TMEM117: variants seen among roughly 807,000 people sequenced by gnomAD.
TMEM117 encodes transmembrane protein 117.
In TMEM117, 27 loss-of-function variants were observed where a neutral mutation model predicts 52.4. The observed-to-expected ratio is 0.51, with a 90% confidence interval of 0.38 to 0.71. TMEM117 has a LOEUF of 0.71. TMEM117 is among the 30% of genes least tolerant of loss of function. TMEM117 has a pLI of 0.00. For synonymous variants in TMEM117, 215 were observed against 206.3 expected (o/e 1.04, Z -0.36); for missense variants, 556 against 630.5 (o/e 0.88, Z 1.26).
chr12:43,947,553 G>T (rs1052719773), intron 3 of TMEM117, among the ~76,000 whole-genome samples: 12 of 152,138 alleles, frequency 7.9e-5, no homozygotes, highest in Non-Finnish European at 5.9e-5. Flanking sequence ...GTAGCACAGG[G>T]AATGATGGAG....
rs1412733651 is a variant in TMEM117 at position 43,984,952 on chromosome 12, T to G, written c.410+40610T>G. On this transcript the variant is annotated intron_variant, in intron 3 of 7. Transcript: ENST00000266534. ...AATGGGAGCATTTCCAATAGAAATT[T>G]GAGCTGAAATAAGTTCCTGTGTGAT... Among the ~76,000 whole-genome samples, 9 of 152,190 alleles carry G rather than the reference T, an allele frequency of 5.9e-5. No homozygotes were observed. The East Asian group carries it at 1.7e-3, about 29-fold the overall frequency.
intron 3 of TMEM117, among the ~76,000 whole-genome samples, chr12:44,046,101 C>T (rs1243595410): frequency 6.6e-6 from 1 of 152,144 alleles, no homozygotes; most frequent in Non-Finnish European, 1.5e-5. Context: ...ATAACAGGTC[C>T]AGGAATCAAG....
chr12:43,833,293 AG>A (rs1942992912), upstream of TMEM117, among the ~76,000 whole-genome samples: 2 of 152,224 alleles, frequency 1.3e-5, no homozygotes, highest in Non-Finnish European at 2.9e-5. Flanking sequence ...TGATTTTAGT[AG>A]ACACTCATGT....
chr12:44,278,728 T>C (rs965227194), intron 5 of TMEM117, among the ~76,000 whole-genome samples: 5 of 152,256 alleles, frequency 3.3e-5, no homozygotes, highest in Non-Finnish European at 7.3e-5. Flanking sequence ...ATCAGAAATA[T>C]GGTTTTGCCC....
At chr12:44,255,801 C>A (rs970520061) in intron 5 of TMEM117, among the ~76,000 whole-genome samples, 1 of 151,932 alleles carries the variant, frequency 6.6e-6, no homozygotes, top group African/African-American at 2.4e-5. Context: ...TTTCATTTTC[C>A]GCTATACCCT....
intron 2 of TMEM117, among the ~76,000 whole-genome samples, chr12:43,941,028 A>T (rs1336970193): frequency 1.3e-5 from 2 of 152,022 alleles, no homozygotes; most frequent in African/African-American, 4.8e-5. Flanking sequence ...CTTCACATAT[A>T]CAGGTTTGTG....
At chr12:44,230,967 GTGTT>G (rs1949925281) in intron 5 of TMEM117, among the ~76,000 whole-genome samples, 4 of 151,914 alleles carry the variant, frequency 2.6e-5, no homozygotes, top group Admixed American at 6.6e-5. Context: ...ATACACACAT[GTGTT>G]AAAAAGATTT....
chr12:44,222,876 A>G (rs939320923), intron 5 of TMEM117, among the ~76,000 whole-genome samples: 2 of 152,198 alleles, frequency 1.3e-5, no homozygotes, highest in African/African-American at 2.4e-5. Flanking sequence ...TAGGCTTTCT[A>G]GCAATATAAA....
At chr12:44,055,497 G>C (rs759164098) in intron 3 of TMEM117, among the ~76,000 whole-genome samples, 1 of 152,076 alleles carries the variant, frequency 6.6e-6, no homozygotes, top group African/African-American at 2.4e-5. Flanking sequence ...ATCAACCTTA[G>C]GAAAAATAAT....
intron 2 of TMEM117, among the ~76,000 whole-genome samples, chr12:43,898,379 A>T (rs1047014285): frequency 7.1e-6 from 1 of 140,506 alleles, no homozygotes; most frequent in African/African-American, 2.6e-5. Context: ...AATAATATAT[A>T]TTAATTAATA....
In TMEM117 at chr12:44,121,824, C is replaced by T. The variant is rs138365804; in HGVS notation, c.411-21701C>T. Reference sequence around the variant, plus strand: ...TCACCCAGGTAATAAGCATAGTACCCGATAGTAATTTTTTTATCTTCATGC... The same window carrying T: ...TCACCCAGGTAATAAGCATAGTACCTGATAGTAATTTTTTTATCTTCATGC... On this transcript the variant is annotated intron_variant, in intron 3 of 7. Transcript: ENST00000266534. Among the ~76,000 whole-genome samples the T allele has an allele frequency of 4.6e-3, 696 of 151,996 alleles. 4 individuals are homozygous for T. The highest frequency in any genetic ancestry group is 0.015 in the African/African-American group (633 of 41,452).
chr12:43,868,308 A>AG (rs1943644230), intron 2 of TMEM117, among the ~76,000 whole-genome samples: 1 of 151,992 alleles, frequency 6.6e-6, no homozygotes, highest in South Asian at 2.1e-4. Context: ...TGGGAGGCCA[A>AG]GGCGGTTGGA....
chr12:43,966,127 C>T (rs144178760), intron 3 of TMEM117, among the ~76,000 whole-genome samples: 1 of 152,182 alleles, frequency 6.6e-6, no homozygotes, highest in African/African-American at 2.4e-5. Flanking sequence ...ATATGTGTAC[C>T]ACATTTTCTT....
At chr12:43,816,329 G>A in the TMEM117 span, among the ~76,000 whole-genome samples, 4 of 149,916 alleles carry the variant, frequency 2.7e-5, no homozygotes, top group South Asian at 4.3e-4. Flanking sequence ...TACCCACGAT[G>A]TTACTCACCT....
intron 4 of TMEM117, among the ~76,000 whole-genome samples, chr12:44,156,756 G>A (rs1264911344): frequency 6.6e-6 from 1 of 152,080 alleles, no homozygotes; most frequent in African/African-American, 2.4e-5. Context: ...ACAACAAGCA[G>A]GCATGAGGGT....
chr12:44,070,232 G>A (rs1247626104), intron 3 of TMEM117, among the ~76,000 whole-genome samples: 1 of 152,046 alleles, frequency 6.6e-6, no homozygotes, highest in African/African-American at 2.4e-5. Context: ...TCCTCCACAT[G>A]TTGGCTGTCC....
chr12:43,995,048 G>A (rs371385462), intron 3 of TMEM117, among the ~76,000 whole-genome samples: 2 of 152,008 alleles, frequency 1.3e-5, no homozygotes, highest in East Asian at 1.9e-4. Flanking sequence ...AGGCTGAGGC[G>A]GGTGGATCAC....
chr12:43,802,363 T>C, the TMEM117 span: 18 of 1,603,324 alleles, frequency 1.1e-5, no homozygotes, highest in Non-Finnish European at 1.4e-5. Context: ...CTGAATAATA[T>C]ATAGCATGGT....
upstream of TMEM117, among the ~76,000 whole-genome samples, chr12:43,831,384 A>T (rs1260256327): frequency 6.6e-6 from 1 of 152,128 alleles, no homozygotes; most frequent in Non-Finnish European, 1.5e-5. Context: ...AGAGAGGATA[A>T]ATTGGTTCAT....
Sources: gnomAD v4.1 joint callset for allele counts (sites outside exome capture counted in the v4.1 genomes callset) on GRCh38, gnomAD v4.1.1 for gene constraint, MANE v1.5 for transcripts, NCBI Gene and HGNC (gene_info 2026-07-23, HGNC 2026-07-21) for gene names.